PAFAH1B1: variants seen among roughly 807,000 people sequenced by gnomAD.
The protein encoded by PAFAH1B1 is platelet activating factor acetylhydrolase 1b regulatory subunit 1.
Under a neutral mutation model 57.5 loss-of-function variants are expected in PAFAH1B1, and 2 were observed. That is an observed-to-expected ratio of 0.03 (90% CI 0.01 to 0.11). PAFAH1B1 has a LOEUF of 0.11. Ranked by LOEUF, PAFAH1B1 falls within the 10% of genes least tolerant of loss-of-function variation. The pLI is 1.00. For synonymous variants in PAFAH1B1, 152 were observed against 169.6 expected (o/e 0.90, Z 0.81); for missense variants, 257 against 512.0 (o/e 0.50, Z 4.81).
At chr17:2,649,388 T>C (rs2068818171) in intron 2 of PAFAH1B1, among the ~76,000 whole-genome samples, 1 of 151,644 alleles carries the variant, frequency 6.6e-6, no homozygotes, top group African/African-American at 2.4e-5. Context: ...GCCTGGCCAA[T>C]ATGACGAAAC....
At position 2,594,338 on chromosome 17, in the gene PAFAH1B1, CT is replaced by C. The variant is rs372220315; in HGVS notation, c.-191+333del. Among the ~76,000 whole-genome samples, 37 of 152,348 alleles carry C rather than the reference CT, an allele frequency of 2.4e-4. No homozygotes were observed. In the East Asian group the frequency reaches 4.4e-3, roughly 18 times the overall value. ...CCCTCCCCAAGAAGGGATCGCCCTC[CT>C]CCCTCGGTGACTTAGCAAGAAAAGT... On this transcript the variant is annotated intron_variant, in intron 1 of 10. Transcript: ENST00000397195.
intron 1 of PAFAH1B1, among the ~76,000 whole-genome samples, chr17:2,611,040 G>A (rs1180857661): frequency 1.3e-5 from 2 of 152,118 alleles, no homozygotes; most frequent in African/African-American, 4.8e-5. Flanking sequence ...GAATTTGTGG[G>A]AGTGACTGTA....
intron 1 of PAFAH1B1, among the ~76,000 whole-genome samples, chr17:2,604,537 G>A (rs1258360861): frequency 6.6e-6 from 1 of 152,174 alleles, no homozygotes; most frequent in Non-Finnish European, 1.5e-5. Flanking sequence ...TGGGCCAGGC[G>A]TGGTGGCTTA....
chr17:2,633,658 C>A lies in PAFAH1B1; in HGVS notation c.-190-4441C>A, dbSNP rs143834252. 8.2e-3 allele frequency among the ~76,000 whole-genome samples: 1,254 copies of A among 152,196 alleles called. 21 individuals are homozygous for A. The highest frequency in any genetic ancestry group is 0.028 in the African/African-American group (1,172 of 41,506). ...ATTTAAATATTTCTGCCATGTGAAA[C>A]CATTTTACTGAAACCATTCTCATCA... is the stretch of plus-strand genomic sequence containing the variant. On this transcript the variant is annotated intron_variant, in intron 1 of 10. Coordinates refer to ENST00000397195, the MANE Select transcript of PAFAH1B1 (RefSeq NM_000430.4).
intron 1 of PAFAH1B1, among the ~76,000 whole-genome samples, chr17:2,628,491 A>G (rs1007835515): frequency 1.3e-5 from 2 of 152,080 alleles, no homozygotes; most frequent in African/African-American, 4.8e-5. Flanking sequence ...TATTTTTTTA[A>G]GGATTTTAGC....
chr17:2,652,404 G>C (rs1323588244), intron 2 of PAFAH1B1, among the ~76,000 whole-genome samples: 1 of 152,234 alleles, frequency 6.6e-6, no homozygotes, highest in East Asian at 1.9e-4. Context: ...GGCAGAGCGA[G>C]ACTCCGTCTC....
At chr17:2,623,444 G>C (rs1429342036) in intron 1 of PAFAH1B1, among the ~76,000 whole-genome samples, 1 of 151,560 alleles carries the variant, frequency 6.6e-6, no homozygotes, top group Non-Finnish European at 1.5e-5. Flanking sequence ...ATTTTTAGTA[G>C]AGACAGGGTT....
At chr17:2,673,457 A>G (rs907976809) in intron 7 of PAFAH1B1, among the ~76,000 whole-genome samples, 39 of 151,992 alleles carry the variant, frequency 2.6e-4, no homozygotes, top group African/African-American at 8.9e-4. Context: ...GGCTAACACG[A>G]TGAAACCCCG....
At chr17:2,671,323 C>T (rs1236106345) in intron 6 of PAFAH1B1, among the ~76,000 whole-genome samples, 3 of 151,978 alleles carry the variant, frequency 2.0e-5, no homozygotes, top group Admixed American at 1.3e-4. Flanking sequence ...ATTCTCCTGC[C>T]TCAGCCTCCT....
At chr17:2,626,937 ATTGT>A (rs1383670219) in intron 1 of PAFAH1B1, among the ~76,000 whole-genome samples, 1 of 151,430 alleles carries the variant, frequency 6.6e-6, no homozygotes, top group Non-Finnish European at 1.5e-5. Context: ...TTTTGATGGG[ATTGT>A]TTGTTTTTTC....
intron 5 of PAFAH1B1, among the ~76,000 whole-genome samples, chr17:2,669,059 C>A (rs2069145698): frequency 6.6e-6 from 1 of 152,008 alleles, no homozygotes; most frequent in African/African-American, 2.4e-5. Context: ...ATAAAGTAGT[C>A]ATTCTCATTA....
chr17:2,663,398 G>T (rs939988777), intron 2 of PAFAH1B1, among the ~76,000 whole-genome samples: 2 of 152,078 alleles, frequency 1.3e-5, no homozygotes, highest in African/African-American at 4.8e-5. Context: ...TTTGTTTGTT[G>T]TTTTTTTGAG....
At chr17:2,594,752 A>G (rs973774990) in intron 1 of PAFAH1B1, among the ~76,000 whole-genome samples, 1 of 152,148 alleles carries the variant, frequency 6.6e-6, no homozygotes, top group African/African-American at 2.4e-5. Flanking sequence ...TGATGCTGTT[A>G]ACATTCAGCT....
chr17:2,625,307 T>C (rs536267670), intron 1 of PAFAH1B1, among the ~76,000 whole-genome samples: 104 of 152,338 alleles, frequency 6.8e-4, no homozygotes, highest in Non-Finnish European at 1.1e-3. Flanking sequence ...TGCAAGTAGC[T>C]TAAAAGAATA....
intron 1 of PAFAH1B1, among the ~76,000 whole-genome samples, chr17:2,606,477 C>T (rs1490541980): frequency 6.6e-6 from 1 of 151,876 alleles, no homozygotes; most frequent in Non-Finnish European, 1.5e-5. Flanking sequence ...GCAGTTCTGC[C>T]TCAGCATCCT....
rs764164421 is a variant in PAFAH1B1, at chr17:2,661,274, C to T, written c.33-4098C>T. Reference sequence around the variant, plus strand: ...TGAATGGTATTGCCTAGGTTTTCTTCTAGGATTTTTATGGTTTTGGGTTTT... The same window carrying T: ...TGAATGGTATTGCCTAGGTTTTCTTTTAGGATTTTTATGGTTTTGGGTTTT... On this transcript the variant is annotated intron_variant, in intron 2 of 10. Coordinates refer to ENST00000397195, the MANE Select transcript of PAFAH1B1 (RefSeq NM_000430.4). Among the ~76,000 whole-genome samples the T allele has an allele frequency of 7.2e-5, 11 of 152,162 alleles. No homozygotes were observed. The South Asian group carries it at 2.1e-3, about 29-fold the overall frequency.
At chr17:2,620,861 T>C (rs567676966) in intron 1 of PAFAH1B1, among the ~76,000 whole-genome samples, 2 of 152,156 alleles carry the variant, frequency 1.3e-5, no homozygotes, top group East Asian at 1.9e-4. Flanking sequence ...AAACTCTGTC[T>C]CAAAAAAAAA....
chr17:2,617,260 G>A (rs2068356357), intron 1 of PAFAH1B1, among the ~76,000 whole-genome samples: 1 of 152,174 alleles, frequency 6.6e-6, no homozygotes, highest in African/African-American at 2.4e-5. Context: ...GTAGATTTGA[G>A]GTCAGTAGGA....
chr17:2,675,432 G>A (rs2069247182), intron 8 of PAFAH1B1, among the ~76,000 whole-genome samples: 1 of 152,140 alleles, frequency 6.6e-6, no homozygotes. Context: ...TCTCTTGTGA[G>A]TTCTCTTTAT....
Sources: gnomAD v4.1 joint callset for allele counts (sites outside exome capture counted in the v4.1 genomes callset) on GRCh38, gnomAD v4.1.1 for gene constraint, MANE v1.5 for transcripts, NCBI Gene and HGNC (gene_info 2026-07-23, HGNC 2026-07-21) for gene names.